COL19A1: variants seen among roughly 807,000 people sequenced by gnomAD.
COL19A1 encodes the protein collagen alpha-1(XIX) chain.
COL19A1 carries 159 observed loss-of-function variants against 190.2 expected under a neutral mutation model. The ratio of observed to expected loss-of-function variants is 0.84; its 90% CI spans 0.73 to 0.95. The LOEUF is 0.95. Among genes scored for constraint, COL19A1 ranks in the 40% least tolerant of loss-of-function variants. COL19A1 has a pLI of 0.00. For synonymous variants in COL19A1, 509 were observed against 458.9 expected, an observed-to-expected ratio of 1.11 and a Z score of -1.39; for missense variants, 1,418 against 1,431.9, an observed-to-expected ratio of 0.99 and a Z score of 0.16.
intron 14 of COL19A1, among the ~76,000 whole-genome samples, chr6:70,063,328 C>A (rs1382735213): frequency 2.0e-5 from 3 of 148,036 alleles, no homozygotes; most frequent in African/African-American, 7.7e-5. Flanking sequence ...TTAAGAAACT[C>A]ACTCAAAACC....
chr6:70,048,884 C>A (rs1315504199), intron 14 of COL19A1, among the ~76,000 whole-genome samples: 2 of 151,950 alleles, frequency 1.3e-5, no homozygotes, highest in African/African-American at 4.8e-5. Flanking sequence ...TGCTTTGCTG[C>A]ATATAATTTT....
At position 70,149,729 on chromosome 6, in the gene COL19A1, C is replaced by T. The variant is rs753445495; in HGVS notation, c.1919C>T (p.Pro640Leu). Reference protein sequence around the residue: ...RTGAQGPAGEPGIQGPRGLPG... With the variant: ...RTGAQGPAGELGIQGPRGLPG... The stretch of plus-strand genomic sequence containing the variant: ...GGCGCCCAAGGACCAGCTGGAGAGC[C>T]AGGTATTCAGGTAAGCTATTTAACT... The change falls in exon 28 of 51, where the codon CCA becomes CTA. Residue 640 changes from proline (P) to leucine (L), a missense_variant. By Grantham distance (98) the Pro-to-Leu change is moderately conservative. Coordinates refer to ENST00000620364, the MANE Select transcript of COL19A1 (RefSeq NM_001858.6). The T allele has an allele frequency of 3.8e-5, 62 of 1,613,432 alleles. No individual in the cohort carries two copies. In the South Asian group the frequency reaches 6.4e-4, roughly 17 times the overall value.
At position 70,143,018 on chromosome 6, in the gene COL19A1, C is replaced by T. The variant is rs376641492; in HGVS notation, c.1626+198C>T. Among the ~76,000 whole-genome samples, 184 of 152,198 alleles carry T rather than the reference C, an allele frequency of 1.2e-3. 1 individual carries two copies. The highest frequency in any genetic ancestry group is 4.2e-3 in the African/African-American group (175 of 41,526). Reference sequence around the variant, plus strand: ...ACCCTTCATATAATCATGTGAGGTCCTTTTGAGTATCATTAGCCTAATAAA... The same window carrying T: ...ACCCTTCATATAATCATGTGAGGTCTTTTTGAGTATCATTAGCCTAATAAA... On this transcript the variant is annotated intron_variant, in intron 23 of 50. Transcript: ENST00000620364.
Position 69,972,408 on chromosome 6 carries a change from G to C in COL19A1, c.1026+9538G>C, listed in dbSNP as rs368867213. On this transcript the variant is annotated intron_variant, in intron 11 of 50. Transcript: ENST00000620364. ...GAAAACAACGACCATGTCTGTCTGT[G>C]TACGTTTTTATCTCTAACACCTAGT... 2.2e-4 allele frequency among the ~76,000 whole-genome samples: 34 copies of C among 152,300 alleles called. 1 individual carries two copies. In the East Asian group the frequency reaches 4.0e-3, roughly 18 times the overall value.
chr6:69,902,811 T>C (rs1451892729), intron 4 of COL19A1, among the ~76,000 whole-genome samples: 4 of 152,178 alleles, frequency 2.6e-5, no homozygotes, highest in African/African-American at 9.7e-5. Context: ...ACTTGGAAAT[T>C]ATACTGCACT....
At chr6:69,902,602 C>CT (rs928479989) in intron 4 of COL19A1, among the ~76,000 whole-genome samples, 1 of 152,154 alleles carries the variant, frequency 6.6e-6, no homozygotes, top group African/African-American at 2.4e-5. Flanking sequence ...TAACCAAGAG[C>CT]TTCTGCCCTG....
At chr6:69,921,675 C>A (rs1771955779) in intron 4 of COL19A1, among the ~76,000 whole-genome samples, 1 of 144,660 alleles carries the variant, frequency 6.9e-6, no homozygotes, top group Admixed American at 7.1e-5. Flanking sequence ...TATGTAGATT[C>A]GTATATATTC....
intron 9 of COL19A1, among the ~76,000 whole-genome samples, chr6:69,954,980 C>G (rs981808212): frequency 6.6e-6 from 1 of 152,116 alleles, no homozygotes; most frequent in African/African-American, 2.4e-5. Context: ...CTGTCCTTCT[C>G]TTTATATCTT....
At chr6:70,074,061 C>G (rs1231847123) in intron 15 of COL19A1, among the ~76,000 whole-genome samples, 1 of 152,106 alleles carries the variant, frequency 6.6e-6, no homozygotes, top group Non-Finnish European at 1.5e-5. Context: ...TTTCCTTAAG[C>G]TTATTTGTTT....
At chr6:70,140,366 T>C (rs943966064) in intron 19 of COL19A1, among the ~76,000 whole-genome samples, 1 of 152,164 alleles carries the variant, frequency 6.6e-6, no homozygotes, top group Admixed American at 6.6e-5. Flanking sequence ...TTTATTGCTG[T>C]ATTATTTTTT....
At chr6:70,182,395 G>A (rs902864328) in intron 44 of COL19A1, among the ~76,000 whole-genome samples, 3 of 152,196 alleles carry the variant, frequency 2.0e-5, no homozygotes, top group Admixed American at 6.5e-5. Flanking sequence ...AGTTCTGTTT[G>A]ACATGTTCAT....
At chr6:70,151,182 G>A (rs1787035191) in intron 30 of COL19A1, among the ~76,000 whole-genome samples, 1 of 152,172 alleles carries the variant, frequency 6.6e-6, no homozygotes, top group Admixed American at 6.5e-5. Flanking sequence ...CAAGAGAGAA[G>A]AATAGTGAAC....
At chr6:69,931,906 CCTG>C (rs1772785757) in intron 6 of COL19A1, among the ~76,000 whole-genome samples, 1 of 151,866 alleles carries the variant, frequency 6.6e-6, no homozygotes, top group Non-Finnish European at 1.5e-5. Flanking sequence ...ATCACAAATG[CCTG>C]CTTTCTATTA....
At chr6:69,924,818 G>T (rs535202601) in intron 4 of COL19A1, among the ~76,000 whole-genome samples, 2 of 152,252 alleles carry the variant, frequency 1.3e-5, no homozygotes, top group South Asian at 2.1e-4. Flanking sequence ...GTTTTGATTT[G>T]CATTTCTCTG....
At chr6:70,192,141 A>G (rs1370511446) in intron 48 of COL19A1, among the ~76,000 whole-genome samples, 1 of 150,526 alleles carries the variant, frequency 6.6e-6, no homozygotes, top group Non-Finnish European at 1.5e-5. Flanking sequence ...GCCCACAGCA[A>G]CCTCTGCCTC....
intron 11 of COL19A1, among the ~76,000 whole-genome samples, chr6:69,975,103 G>A (rs1026256173): frequency 1.4e-4 from 22 of 152,124 alleles, no homozygotes; most frequent in African/African-American, 4.1e-4. Context: ...GTGAGCCACC[G>A]CACCCAGCCA....
intron 39 of COL19A1, 102 bp from the exon 40 acceptor site, chr6:70,168,553 A>G: frequency 1.0e-6 from 1 of 1,000,770 alleles, no homozygotes; most frequent in Non-Finnish European, 1.5e-6. Context: ...AAAACTTGCT[A>G]ATATTCGTAT....
At chr6:70,028,096 G>A (rs532899850) in intron 12 of COL19A1, among the ~76,000 whole-genome samples, 2 of 152,210 alleles carry the variant, frequency 1.3e-5, no homozygotes, top group Admixed American at 1.3e-4. Context: ...CCCTCTGAGG[G>A]GTTCAGTCAG....
At chr6:70,053,025 C>A (rs914867418) in intron 14 of COL19A1, among the ~76,000 whole-genome samples, 1 of 152,130 alleles carries the variant, frequency 6.6e-6, no homozygotes, top group Non-Finnish European at 1.5e-5. Context: ...ATTCTCTATC[C>A]CCTTCTTAAT....
Sources: gnomAD v4.1 joint callset for allele counts (sites outside exome capture counted in the v4.1 genomes callset) on GRCh38, gnomAD v4.1.1 for gene constraint, MANE v1.5 for transcripts, NCBI Gene and HGNC (gene_info 2026-07-23, HGNC 2026-07-21) for gene names.